IDH3A: variants seen among roughly 807,000 people sequenced by gnomAD.
The protein encoded by IDH3A is isocitrate dehydrogenase (NAD(+)) 3 catalytic subunit alpha.
In IDH3A, 23 loss-of-function variants were observed where a neutral mutation model predicts 43.3. That is an observed-to-expected ratio of 0.53 (90% CI 0.38 to 0.75). The LOEUF (loss-of-function observed/expected upper bound fraction) is 0.75, where lower values mean the gene tolerates loss of function less well. Ranked by LOEUF, IDH3A falls within the 30% of genes least tolerant of loss-of-function variation. IDH3A has a pLI of 0.00. For missense variants in IDH3A, 329 were observed against 474.4 expected (o/e 0.69, Z 2.85); for synonymous variants, 154 against 163.5 (o/e 0.94, Z 0.44).
intron 1 of IDH3A, among the ~76,000 whole-genome samples, chr15:78,153,437 C>T (rs906175848): frequency 1.3e-5 from 2 of 152,186 alleles, no homozygotes; most frequent in Admixed American, 1.3e-4. Context: ...AAATGGCCTC[C>T]CTTCCAATAG....
In IDH3A at chr15:78,155,507, T is replaced by C. The variant is rs1157639575; in HGVS notation, c.90+232T>C. 1.1e-5 allele frequency: 4 copies of C among 352,398 alleles called. No homozygotes were observed. The South Asian group carries it at 2.7e-4, about 24-fold the overall frequency. The allele number at this position is 352,398 out of a possible 1,614,324, so 21.8% of individuals were successfully genotyped here. The stretch of plus-strand genomic sequence containing the variant: ...TATGTAAGTTTGTCACATTAATATC[T>C]TGAGGGAGCCTTGTTAAAAATAGAA... On this transcript the variant is annotated intron_variant, in intron 2 of 10. Transcript: ENST00000299518.
Position 78,161,483 on chromosome 15 carries a change from G to A in IDH3A, c.290-98G>A. The A allele has an allele frequency of 2.3e-6, 2 of 876,284 alleles. No individual in the cohort carries two copies. The highest frequency in any genetic ancestry group is 4.9e-5 in the East Asian group (2 of 41,230). 54.3% of individuals were successfully genotyped at this position (876,284 alleles called of 1,614,324 possible). A position where few individuals can be genotyped will look rare whatever the true frequency, so the allele number is the denominator to read the frequency against. ...ATCTCAGGTAGAGAGTGAACTAGAG[G>A]CAGAACACATTTCACAAGGTAGCCG... On this transcript the variant is annotated intron_variant, in intron 4 of 10. Transcript: ENST00000299518. The surrounding 1 kb of genome is among the most constrained non-coding windows in gnomAD (Gnocchi z 4.8).
intron 6 of IDH3A, among the ~76,000 whole-genome samples, chr15:78,162,800 G>T (rs1367932295): frequency 1.3e-5 from 2 of 152,082 alleles, no homozygotes; most frequent in Non-Finnish European, 2.9e-5. Context: ...CTCGCCTTGG[G>T]CTCCCAAAGT....
intron 5 of IDH3A, 82 bp from the exon 6 acceptor site, chr15:78,162,152 T>TTAC (rs894820629): frequency 1.1e-5 from 17 of 1,480,854 alleles, no homozygotes; most frequent in Non-Finnish European, 1.5e-5. Context: ...GCCACAAATG[T>TTAC]TACTGTCTAC....
chr15:78,155,423 T>C, intron 2 of IDH3A, 148 bp downstream of exon 2: 2 of 541,410 alleles, frequency 3.7e-6, no homozygotes, highest in Non-Finnish European at 6.5e-6. Context: ...AATTACTGGC[T>C]GACATGCACA....
intron 3 of IDH3A, among the ~76,000 whole-genome samples, chr15:78,158,674 A>C (rs1245224832): frequency 1.3e-5 from 2 of 150,262 alleles, no homozygotes; most frequent in African/African-American, 4.9e-5. Context: ...ACAGGGTTTC[A>C]TCATATTGGT....
Position 78,166,195 on chromosome 15 carries a change from C to A in IDH3A, c.910C>A (p.Pro304Thr). 6.2e-7 allele frequency: 1 copy of A among 1,614,144 alleles called. No individual in the cohort carries two copies. Among genetic ancestry groups the A allele is most frequent in the Non-Finnish European group, 8.5e-7 (1 of 1,179,984 alleles). ...PDIAGKDMAN[P>T]TALLLSAVMM... ...CATTGCAGGCAAGGACATGGCGAATCCCACAGCCCTCCTGCTCAGTGCCGT... is the reference window on the plus strand; with the variant it reads ...CATTGCAGGCAAGGACATGGCGAATACCACAGCCCTCCTGCTCAGTGCCGT... Residue 304 changes from proline (P) to threonine (T), a missense_variant, in exon 10 of 11, where the codon CCC becomes ACC. By Grantham distance (38) the Pro-to-Thr change is conservative. This residue lies in a region of IDH3A where 91 missense variants were observed against 111.6 expected (regional missense o/e 0.82). Coordinates refer to ENST00000299518, the MANE Select transcript of IDH3A (RefSeq NM_005530.3).
chr15:78,149,444 G>A lies in IDH3A; in HGVS notation c.27+14G>A. On this transcript the variant is annotated intron_variant, in intron 1 of 10. Transcript: ENST00000299518. Reference sequence around the variant, plus strand: ...TGGATCTCTAAGGTGAGCGCTGGCAGGCCGGCGTGTGGCAGGCAGGCAGGC... The same window carrying A: ...TGGATCTCTAAGGTGAGCGCTGGCAAGCCGGCGTGTGGCAGGCAGGCAGGC... The A allele has an allele frequency of 6.5e-7, 1 of 1,538,138 alleles. No homozygotes were observed. Among genetic ancestry groups the A allele is most frequent in the Non-Finnish European group, 8.7e-7 (1 of 1,149,348 alleles).
chr15:78,150,448 T>C (rs2074564577), intron 1 of IDH3A, among the ~76,000 whole-genome samples: 1 of 152,200 alleles, frequency 6.6e-6, no homozygotes, highest in African/African-American at 2.4e-5. Flanking sequence ...TGATACTACT[T>C]TTCTCCCATT....
In IDH3A at chr15:78,166,240, G is replaced by C; in HGVS notation, c.955G>C (p.Gly319Arg). Residue 319 changes from glycine (G) to arginine (R), a missense_variant, in exon 10 of 11, where the codon GGA becomes CGA. Gly to Arg is a moderately radical substitution (Grantham distance 125). Around this residue, in one of 3 missense-constraint regions of IDH3A, gnomAD observed 91 missense variants for 111.6 expected, o/e 0.82. Coordinates refer to ENST00000299518, the MANE Select transcript of IDH3A (RefSeq NM_005530.3). ...TGCCGTGATGATGCTGCGCCACATG[G>C]GACTTTTTGACCATGCTGCAAGAAT... ...LSAVMMLRHMGLFDHAARIEA... is the reference protein window; with the variant it reads ...LSAVMMLRHMRLFDHAARIEA... 1 of 1,614,126 alleles carries C rather than the reference G, an allele frequency of 6.2e-7. No individual in the cohort carries two copies. The highest frequency in any genetic ancestry group is 8.5e-7 in the Non-Finnish European group (1 of 1,180,014).
chr15:78,162,416 A>C, intron 6 of IDH3A, 49 bp downstream of exon 6: 1 of 1,596,792 alleles, frequency 6.3e-7, no homozygotes, highest in South Asian at 1.1e-5. Context: ...GTTGTGGGAG[A>C]GCAGTGACAG....
rs2074787640 is a variant in IDH3A, at chr15:78,169,066, T to TA, written c.*62dup. 9.8e-7 allele frequency: 1 copy of TA among 1,025,086 alleles called. No individual in the cohort carries two copies. The highest frequency in any genetic ancestry group is 1.6e-5 in the African/African-American group (1 of 63,416). 63.5% of individuals were successfully genotyped at this position (1,025,086 alleles called of 1,614,324 possible). On this transcript the variant is annotated 3_prime_UTR_variant, in exon 11 of 11. Coordinates refer to ENST00000299518, the MANE Select transcript of IDH3A (RefSeq NM_005530.3). ...AATGGACACCACATGAACCTCTGTTTAGAATACCTACGTATGTATGCATTG... is the reference window on the plus strand; with the variant it reads ...AATGGACACCACATGAACCTCTGTTTAAGAATACCTACGTATGTATGCATTG...
intron 3 of IDH3A, among the ~76,000 whole-genome samples, chr15:78,158,441 A>ATACG (rs1255193402): frequency 1.2e-5 from 1 of 84,624 alleles, no homozygotes; most frequent in African/African-American, 6.5e-5. Flanking sequence ...TATGCAATAC[A>ATACG]TACATACATA....
intron 3 of IDH3A, 34 bp downstream of exon 3, chr15:78,157,665 C>T (rs964088487): frequency 2.0e-6 from 3 of 1,466,326 alleles, no homozygotes; most frequent in Non-Finnish European, 1.9e-6. Context: ...TTAATGATGA[C>T]TCACTGAAAA....
In IDH3A at chr15:78,162,338, C is replaced by G. The variant is rs1243714116; in HGVS notation, c.582C>G (p.Asn194Lys). Residue 194 changes from asparagine to lysine, a missense_variant, in exon 6 of 11, where the codon AAC becomes AAG. By Grantham distance (94) the Asn-to-Lys change is moderately conservative. Transcript: ENST00000299518. ...ATGCCCGGAACAACCACCGGAGCAACGTCACGGCGGTGCACAAAGCCAACA... is the reference window on the plus strand; with the variant it reads ...ATGCCCGGAACAACCACCGGAGCAAGGTCACGGCGGTGCACAAAGCCAACA... Reference protein sequence around the residue: ...FEYARNNHRSNVTAVHKANIM... With the variant: ...FEYARNNHRSKVTAVHKANIM... The G allele has an allele frequency of 2.5e-6, 4 of 1,614,056 alleles. No individual in the cohort carries two copies. The highest frequency in any genetic ancestry group is 1.6e-4 in the Middle Eastern group (1 of 6,082).
Position 78,163,791 on chromosome 15 carries a change from C to G in IDH3A, c.779+11C>G. On this transcript the variant is annotated intron_variant, in intron 8 of 10. Coordinates refer to ENST00000299518, the MANE Select transcript of IDH3A (RefSeq NM_005530.3). ...TGGAGACATCCTTAGGTGAGTCTGG[C>G]TGCAACCTATTTATTTTAGCCTATG... 6.3e-7 allele frequency: 1 copy of G among 1,575,092 alleles called. No homozygotes were observed. The highest frequency in any genetic ancestry group is 8.7e-7 in the Non-Finnish European group (1 of 1,144,924).
intron 2 of IDH3A, among the ~76,000 whole-genome samples, chr15:78,156,429 C>T (rs2074623795): frequency 6.6e-6 from 1 of 152,128 alleles, no homozygotes; most frequent in African/African-American, 2.4e-5. Flanking sequence ...GCTGTGATCA[C>T]ACCTGTGAGT....
rs1223080837 is a variant in IDH3A at position 78,169,496 on chromosome 15, G to A, written c.*491G>A. The A allele has an allele frequency of 6.6e-6, 1 of 152,220 alleles. No homozygotes were observed. The highest frequency in any genetic ancestry group is 1.5e-5 in the Non-Finnish European group (1 of 68,060). The allele number at this position is 152,220 out of a possible 1,614,324, so 9.4% of individuals were successfully genotyped here. ...GGCACAAGAGAATTTTCCTGGGAAA[G>A]TTCACATCAAAAAGAGTGAATGTGG... On this transcript the variant is annotated 3_prime_UTR_variant, in exon 11 of 11. Coordinates refer to ENST00000299518, the MANE Select transcript of IDH3A (RefSeq NM_005530.3).
At chr15:78,155,799 C>T (rs916569956) in intron 2 of IDH3A, 2 of 152,366 alleles carry the variant, frequency 1.3e-5, no homozygotes, top group African/African-American at 2.4e-5. Flanking sequence ...AAATCTGCTG[C>T]TTTTAGAATT....
Sources: gnomAD v4.1 joint callset for allele counts (sites outside exome capture counted in the v4.1 genomes callset) on GRCh38, gnomAD v4.1.1 for gene constraint, gnomAD v4.1.1 regional missense constraint, Gnocchi (gnomAD v3.1) non-coding constraint, MANE v1.5 for transcripts, NCBI Gene and HGNC (gene_info 2026-07-23, HGNC 2026-07-21) for gene names.